Variants in NLRP7 observed in about 807,000 individuals in gnomAD.
The protein encoded by NLRP7 is NLR family pyrin domain containing 7.
In NLRP7, 72 loss-of-function variants were observed where a neutral mutation model predicts 85.5. The ratio of observed to expected loss-of-function variants is 0.84; its 90% CI spans 0.70 to 1.02. The LOEUF is 1.02. NLRP7 is among the 50% of genes least tolerant of loss of function. The pLI is 0.00. For missense variants in NLRP7, 1,243 were observed against 1,219.5 expected, an observed-to-expected ratio of 1.02 and a Z score of -0.29; for synonymous variants, 550 against 505.2, an observed-to-expected ratio of 1.09 and a Z score of -1.19.
At chr19:54,931,159 C>T (rs2068660485) in intron 8 of NLRP7, among the ~76,000 whole-genome samples, 2 of 152,302 alleles carry the variant, frequency 1.3e-5, no homozygotes, top group South Asian at 4.1e-4. Context: ...CACAGTGGCT[C>T]ACGCCTATAA....
rs376708977 is a variant in NLRP7 at position 54,956,138 on chromosome 19, AGGAAGGAGGGAAGGAG to A, written c.-76-8649_-76-8634del. ...CTGGGCAACAGAGGGAGAGAAAGGA[AGGAAGGAGGGAAGGAG>A]GGAAGGAGGGAAGGGAAGGAGGGAA... On this transcript the variant is annotated intron_variant, in intron 1 of 2. Coordinates refer to the NLRP7 transcript ENST00000587103. 1.0e-3 allele frequency among the ~76,000 whole-genome samples: 144 copies of A among 137,574 alleles called. 1 individual carries two copies. The highest frequency in any genetic ancestry group is 4.5e-3 in the African/African-American group (128 of 28,540). The allele number at this position is 137,574 out of a possible 152,430, so 90.3% of individuals were successfully genotyped here.
intron 1 of NLRP7, among the ~76,000 whole-genome samples, chr19:54,953,622 T>G (rs1426821170): frequency 6.6e-6 from 1 of 151,890 alleles, no homozygotes. Flanking sequence ...ATTTCATTTC[T>G]GCCTTTTAGT....
chr19:54,929,916 C>T (rs934534395), intron 9 of NLRP7, among the ~76,000 whole-genome samples: 19 of 144,280 alleles, frequency 1.3e-4, no homozygotes, highest in Non-Finnish European at 2.4e-4. Flanking sequence ...AGATCGAGAC[C>T]ATCCTGGCTA....
rs775871 is a variant in NLRP7 at position 54,927,910 on chromosome 19, G to A, written c.2810+2589C>T. Reference sequence around the variant, plus strand: ...TGTTCGAGACCAGCCTTGCCAACACGGTCAAACCCCATCTCTACTAAAAAT... The same window carrying A: ...TGTTCGAGACCAGCCTTGCCAACACAGTCAAACCCCATCTCTACTAAAAAT... On this transcript the variant is annotated intron_variant, in intron 9 of 9. Coordinates refer to ENST00000340844, the Ensembl canonical transcript of NLRP7. The A allele has an allele frequency of 7.2e-3, 5,572 of 772,324 alleles. 172 individuals are homozygous for A. In the African/African-American group the frequency reaches 0.077, roughly 11 times the overall value. 47.8% of individuals were successfully genotyped at this position (772,324 alleles called of 1,614,324 possible).
At chr19:54,963,652 C>T (rs992179707) in intron 1 of NLRP7, among the ~76,000 whole-genome samples, 1 of 151,846 alleles carries the variant, frequency 6.6e-6, no homozygotes, top group African/African-American at 2.4e-5. Flanking sequence ...GGTGAAACCC[C>T]ATCTCTACTA....
intron 1 of NLRP7, among the ~76,000 whole-genome samples, chr19:54,942,035 C>T (rs1222141625): frequency 1.3e-5 from 2 of 151,738 alleles, no homozygotes; most frequent in East Asian, 2.0e-4. Flanking sequence ...GGATGGATCA[C>T]GATATCAGGA....
chr19:54,940,918 C>T lies in NLRP7; in HGVS notation c.352+13G>A, dbSNP rs115894800. On this transcript the variant is annotated intron_variant, in intron 3 of 9. Transcript: ENST00000340844. ...AACACCAAACTCATGACCATAGGAC[C>T]GTATTTACCCACCTGGCTTTGCTAA... is the stretch of plus-strand genomic sequence containing the variant. 860 of 1,539,802 alleles carry T rather than the reference C, an allele frequency of 5.6e-4. 2 individuals are homozygous for T. In the African/African-American group the frequency reaches 9.8e-3, roughly 18 times the overall value.
At chr19:54,941,333 C>T in intron 2 of NLRP7, 102 bp downstream of exon 2, 2 of 864,606 alleles carry the variant, frequency 2.3e-6, no homozygotes, top group Non-Finnish European at 3.8e-6. Context: ...CTCGCCACTG[C>T]ACTCCAGCCT....
chr19:54,924,861 T>C (rs2068366710), intron 9 of NLRP7, among the ~76,000 whole-genome samples: 1 of 152,104 alleles, frequency 6.6e-6, no homozygotes, highest in South Asian at 2.1e-4. Flanking sequence ...GCTTTGAACC[T>C]GGGAGGCAGA....
chr19:54,929,519 G>C (rs904415431), intron 9 of NLRP7, among the ~76,000 whole-genome samples: 10 of 152,092 alleles, frequency 6.6e-5, no homozygotes, highest in Non-Finnish European at 1.3e-4. Context: ...ACAAACTTTG[G>C]GGAGAGAAGT....
chr19:54,932,254 C>G (rs1258769909), intron 8 of NLRP7, among the ~76,000 whole-genome samples: 1 of 152,010 alleles, frequency 6.6e-6, no homozygotes, highest in Non-Finnish European at 1.5e-5. Flanking sequence ...ATGGTGAAAC[C>G]TCATCTCCAC....
At chr19:54,964,417 C>T (rs2070229301) in intron 1 of NLRP7, among the ~76,000 whole-genome samples, 1 of 150,932 alleles carries the variant, frequency 6.6e-6, no homozygotes, top group South Asian at 2.1e-4. Context: ...GGGGTTTCAC[C>T]GTGTTAGCCA....
intron 1 of NLRP7, among the ~76,000 whole-genome samples, chr19:54,956,856 C>T (rs1032362693): frequency 1.3e-5 from 2 of 151,664 alleles, no homozygotes; most frequent in African/African-American, 4.8e-5. Context: ...TCTCGAACTC[C>T]TGTCCTCTGG....
chr19:54,927,387 A>C (rs923090613), intron 9 of NLRP7, among the ~76,000 whole-genome samples: 6 of 151,914 alleles, frequency 3.9e-5, no homozygotes, highest in African/African-American at 1.2e-4. Flanking sequence ...GTCTCAAAAA[A>C]AAAAAAAGAA....
At chr19:54,943,384 G>A (rs1340066503) in intron 1 of NLRP7, among the ~76,000 whole-genome samples, 9 of 152,012 alleles carry the variant, frequency 5.9e-5, no homozygotes, top group African/African-American at 9.7e-5. Flanking sequence ...GGCGGATCAC[G>A]AGGTCAGGAG....
chr19:54,930,195 GATGGCTCATGCCTGTA>G (rs1479477262), intron 9 of NLRP7, among the ~76,000 whole-genome samples: 2 of 151,644 alleles, frequency 1.3e-5, no homozygotes, highest in African/African-American at 2.4e-5. Flanking sequence ...GGCCAGGCAT[GATGGCTCATGCCTGTA>G]ATCCTAGCAC....
At chr19:54,941,480 T>C (rs1410282593) in exon 2 of NLRP7, 1 of 1,612,720 alleles carries the variant, frequency 6.2e-7, no homozygotes, top group Non-Finnish European at 8.5e-7. Context: ...GTGAGATTCA[T>C]CTCTTCCAAG....
At chr19:54,938,365 AG>A (rs1229311271) in intron 4 of NLRP7, 124 bp from the exon 5 acceptor site, 48 of 763,758 alleles carry the variant, frequency 6.3e-5, no homozygotes, top group Non-Finnish European at 7.9e-5. Context: ...CAGTGTCTAT[AG>A]TAAACAATAT....
At chr19:54,930,008 A>G (rs1308032130) in intron 9 of NLRP7, among the ~76,000 whole-genome samples, 10 of 150,930 alleles carry the variant, frequency 6.6e-5, no homozygotes, top group Non-Finnish European at 1.5e-4. Context: ...CCAGCTACTC[A>G]GGAGGCTGAG....
Sources: gnomAD v4.1 joint callset for allele counts (sites outside exome capture counted in the v4.1 genomes callset) on GRCh38, gnomAD v4.1.1 for gene constraint, MANE v1.5 for transcripts, NCBI Gene and HGNC (gene_info 2026-07-23, HGNC 2026-07-21) for gene names.